Variants in TMBIM6 observed in about 807,000 individuals in gnomAD.
The protein encoded by TMBIM6 is bax inhibitor 1.
A neutral mutation model predicts 31.4 loss-of-function variants in TMBIM6; 13 were observed. That is an observed-to-expected ratio of 0.41 (90% CI 0.27 to 0.66). TMBIM6 has a LOEUF of 0.66. Ranked by LOEUF, TMBIM6 falls within the 30% of genes least tolerant of loss-of-function variation. The pLI is 0.28. For synonymous variants in TMBIM6, 85 were observed against 101.7 expected (o/e 0.84, Z 0.99); for missense variants, 275 against 289.5 (o/e 0.95, Z 0.36).
rs532713708 is a variant in TMBIM6 at position 49,743,949 on chromosome 12, GATC to G, written c.-31+2345_-31+2347del. Among the ~76,000 whole-genome samples the G allele has an allele frequency of 6.2e-4, 95 of 152,300 alleles. 1 individual carries two copies. The South Asian group carries it at 0.019, about 31-fold the overall frequency. Reference sequence around the variant, plus strand: ...ATTGGCATTCAGTAGAGCAGGTATTGATCATCATCGTTATCTTACAGATGAGGA... The same window carrying G: ...ATTGGCATTCAGTAGAGCAGGTATTGATCATCGTTATCTTACAGATGAGGA... On this transcript the variant is annotated intron_variant, in intron 1 of 9. Coordinates refer to ENST00000267115, the MANE Select transcript of TMBIM6 (RefSeq NM_003217.3).
rs1945786802 is a variant in TMBIM6, at chr12:49,764,728, A to AAAAAAAAAAAAAAAAAAAG, written c.*1844_*1845insAAAAAAGAAAAAAAAAAAA. Reference sequence around the variant, plus strand: ...AAGATATTAAAAAAAAAAAAGAAAGAAAAAAAAAAAAACACCTACTTTTAA... The same window carrying AAAAAAAAAAAAAAAAAAAG: ...AAGATATTAAAAAAAAAAAAGAAAGAAAAAAAAAAAAAAAAAAAGAAAAAAAAAAAACACCTACTTTTAA... On this transcript the variant is annotated 3_prime_UTR_variant, in exon 10 of 10. Transcript: ENST00000267115. The AAAAAAAAAAAAAAAAAAAG allele has an allele frequency of 8.7e-6, 1 of 114,834 alleles. No homozygotes were observed. Among genetic ancestry groups the AAAAAAAAAAAAAAAAAAAG allele is most frequent in the African/African-American group, 4.6e-5 (1 of 21,832 alleles). The allele number at this position is 114,834 out of a possible 1,614,324, so 7.1% of individuals were successfully genotyped here.
chr12:49,744,677 C>G (rs2099954008), intron 1 of TMBIM6: 1 of 152,166 alleles, frequency 6.6e-6, no homozygotes. Flanking sequence ...GAACCAGATG[C>G]AAGCTCTGCC....
Position 49,763,104 on chromosome 12 carries a change from C to A in TMBIM6, c.*208C>A. On this transcript the variant is annotated 3_prime_UTR_variant, in exon 10 of 10. Coordinates refer to ENST00000267115, the MANE Select transcript of TMBIM6 (RefSeq NM_003217.3). ...GTTTGGCTTCATCTTCCTGGGGTTC[C>A]CCTCACTCCCTTTTTTGTCAACCCC... 2.1e-6 allele frequency: 1 copy of A among 480,064 alleles called. No individual in the cohort carries two copies. The highest frequency in any genetic ancestry group is 3.1e-5 in the East Asian group (1 of 31,976). 29.7% of individuals were successfully genotyped at this position (480,064 alleles called of 1,614,324 possible).
intron 1 of TMBIM6, chr12:49,750,825 C>G (rs1205463128): frequency 6.6e-6 from 1 of 152,212 alleles, no homozygotes; most frequent in Admixed American, 6.5e-5. Context: ...TATCTTTCCA[C>G]TGGCCCAGGA....
intron 4 of TMBIM6, among the ~76,000 whole-genome samples, chr12:49,757,750 C>G (rs1425268684): frequency 6.6e-6 from 1 of 152,224 alleles, no homozygotes; most frequent in Non-Finnish European, 1.5e-5. Flanking sequence ...AGAGCTGGAA[C>G]AGGTTGCCCT....
chr12:49,759,982 G>C (rs1362883331), intron 8 of TMBIM6, among the ~76,000 whole-genome samples: 1 of 150,360 alleles, frequency 6.7e-6, no homozygotes, highest in East Asian at 2.0e-4. Context: ...CGTGGTGGCG[G>C]GCACCTGTAG....
chr12:49,748,157 C>T (rs756447061), intron 1 of TMBIM6, among the ~76,000 whole-genome samples: 25 of 152,050 alleles, frequency 1.6e-4, no homozygotes, highest in Admixed American at 5.2e-4. Context: ...TTGCCTTTGC[C>T]TCCCAAAGTG....
chr12:49,758,828 T>C (rs1945658302), intron 7 of TMBIM6, 66 bp downstream of exon 7: 7 of 1,451,466 alleles, frequency 4.8e-6, no homozygotes, highest in Non-Finnish European at 6.7e-6. Flanking sequence ...CTTTTTTTTT[T>C]TTTTTTGCAC....
At chr12:49,752,697 C>T (rs761189862) in intron 2 of TMBIM6, 148 bp downstream of exon 2, 4 of 730,970 alleles carry the variant, frequency 5.5e-6, no homozygotes, top group Non-Finnish European at 9.0e-6. Context: ...CCAAATTCTA[C>T]ACGTTGCTGT....
intron 1 of TMBIM6, among the ~76,000 whole-genome samples, chr12:49,743,782 G>A (rs1047258581): frequency 7.2e-5 from 11 of 152,100 alleles, no homozygotes; most frequent in African/African-American, 2.7e-4. Flanking sequence ...CTGTAGGATG[G>A]AATAGTAAAA....
In TMBIM6 at chr12:49,764,267, A is replaced by G. The variant is rs1945774714; in HGVS notation, c.*1371A>G. 1 of 152,116 alleles carries G rather than the reference A, an allele frequency of 6.6e-6. No individual in the cohort carries two copies. Among genetic ancestry groups the G allele is most frequent in the Non-Finnish European group, 1.5e-5 (1 of 68,026 alleles). 9.4% of individuals were successfully genotyped at this position (152,116 alleles called of 1,614,324 possible). On this transcript the variant is annotated 3_prime_UTR_variant, in exon 10 of 10. Coordinates refer to ENST00000267115, the MANE Select transcript of TMBIM6 (RefSeq NM_003217.3). ...AGTGGTTGTGGCTCTGAGCTGCTCT[A>G]CAGAGCTTCAGTGTGAGAGGATCGA...
At chr12:49,751,185 A>AT (rs973801160) in intron 1 of TMBIM6, among the ~76,000 whole-genome samples, 6 of 152,184 alleles carry the variant, frequency 3.9e-5, no homozygotes, top group African/African-American at 1.4e-4. Context: ...TCTAACCTGG[A>AT]TATAGTTCAG....
chr12:49,762,938 C>T lies in TMBIM6; in HGVS notation c.*42C>T. On this transcript the variant is annotated 3_prime_UTR_variant, in exon 10 of 10. Transcript: ENST00000267115. Reference sequence around the variant, plus strand: ...TTCCCAATTAGACTTCCTCTCCTTCCACCCCTCATTTCCTTTTTGCACACA... The same window carrying T: ...TTCCCAATTAGACTTCCTCTCCTTCTACCCCTCATTTCCTTTTTGCACACA... 1.2e-6 allele frequency: 2 copies of T among 1,602,814 alleles called. No individual in the cohort carries two copies. The highest frequency in any genetic ancestry group is 1.7e-6 in the Non-Finnish European group (2 of 1,170,466).
At position 49,741,624 on chromosome 12, in the gene TMBIM6, C is replaced by G. The variant is rs1945296141; in HGVS notation, c.-31+13C>G. The G allele has an allele frequency of 5.9e-6, 1 of 170,450 alleles. No individual in the cohort carries two copies. The highest frequency in any genetic ancestry group is 2.4e-5 in the African/African-American group (1 of 41,518). 10.6% of individuals were successfully genotyped at this position (170,450 alleles called of 1,614,324 possible). A position where few individuals can be genotyped will look rare whatever the true frequency, so the allele number is the denominator to read the frequency against. ...GCGGGTTAGGAAGGTACGTCTGAAC[C>G]TAGTACTGGGCGAACTGGGAGTGAG... On this transcript the variant is annotated intron_variant, in intron 1 of 9. Transcript: ENST00000267115.
chr12:49,747,476 T>G (rs1374395425), intron 1 of TMBIM6, among the ~76,000 whole-genome samples: 1 of 152,188 alleles, frequency 6.6e-6, no homozygotes, highest in East Asian at 1.9e-4. Flanking sequence ...ACCCAGCTAA[T>G]TTTTTAATTG....
intron 1 of TMBIM6, chr12:49,742,014 G>C: frequency 7.2e-7 from 1 of 1,392,846 alleles, no homozygotes; most frequent in Non-Finnish European, 9.7e-7. Flanking sequence ...TCCTTCCGAG[G>C]TGAAGGAACG....
chr12:49,742,251 G>C, intron 1 of TMBIM6: 1 of 1,608,396 alleles, frequency 6.2e-7, no homozygotes, highest in Non-Finnish European at 8.5e-7. Context: ...GGGCGGCCCC[G>C]CTCTTTTCGG....
intron 4 of TMBIM6, 142 bp from the exon 5 acceptor site, chr12:49,758,085 C>A: frequency 2.4e-6 from 2 of 850,072 alleles, no homozygotes; most frequent in Non-Finnish European, 3.8e-6. Flanking sequence ...AAAACAATTA[C>A]AGCGGAGGGG....
At position 49,763,238 on chromosome 12, in the gene TMBIM6, C is replaced by T. The variant is rs1465750939; in HGVS notation, c.*342C>T. The T allele has an allele frequency of 8.4e-6, 2 of 238,910 alleles. No individual in the cohort carries two copies. The highest frequency in any genetic ancestry group is 7.6e-5 in the East Asian group (1 of 13,152). 14.8% of individuals were successfully genotyped at this position (238,910 alleles called of 1,614,324 possible). On this transcript the variant is annotated 3_prime_UTR_variant, in exon 10 of 10. Transcript: ENST00000267115. ...CGCTTTCCCACCAGGCTTCATTCAC[C>T]CAGTGGACCTGAACTGTTTGGTAGA...
Sources: gnomAD v4.1 joint callset for allele counts (sites outside exome capture counted in the v4.1 genomes callset) on GRCh38, gnomAD v4.1.1 for gene constraint, MANE v1.5 for transcripts, NCBI Gene and HGNC (gene_info 2026-07-23, HGNC 2026-07-21) for gene names.